Variants in DLG2 observed in about 807,000 individuals in gnomAD.
The protein encoded by DLG2 is disks large homolog 2.
Under a neutral mutation model 132.5 loss-of-function variants are expected in DLG2, and 45 were observed. That is an observed-to-expected ratio of 0.34 (90% confidence interval 0.27 to 0.44). DLG2 has a LOEUF of 0.44. Among genes scored for constraint, DLG2 ranks in the 20% least tolerant of loss-of-function variants. The pLI, the probability that DLG2 is intolerant of heterozygous loss-of-function variation, is 1.00. For missense variants in DLG2, 1,045 were observed against 1,196.9 expected (o/e 0.87, Z 1.87); for synonymous variants, 424 against 419.6 (o/e 1.01, Z -0.13).
At chr11:84,013,328 T>C (rs1304677094) in intron 11 of DLG2, among the ~76,000 whole-genome samples, 1 of 152,108 alleles carries the variant, frequency 6.6e-6, no homozygotes, top group African/African-American at 2.4e-5. Flanking sequence ...CATCTCCTAG[T>C]ACCTACTATG....
intron 19 of DLG2, among the ~76,000 whole-genome samples, chr11:83,629,078 A>G (rs2063125648): frequency 6.6e-6 from 1 of 152,184 alleles, no homozygotes; most frequent in Non-Finnish European, 1.5e-5. Flanking sequence ...GAGCTTCAAA[A>G]ATTACTTAGA....
At chr11:84,588,111 C>T (rs1316815898) in intron 6 of DLG2, among the ~76,000 whole-genome samples, 1 of 152,136 alleles carries the variant, frequency 6.6e-6, no homozygotes, top group Non-Finnish European at 1.5e-5. Flanking sequence ...GTTCTAGGCT[C>T]ACCAAATTTA....
chr11:85,324,947 T>C (rs536569697), intron 3 of DLG2, among the ~76,000 whole-genome samples: 32 of 147,734 alleles, frequency 2.2e-4, no homozygotes, highest in East Asian at 1.8e-3. Context: ...GGGCGAGGCA[T>C]TGCCTCACCT....
chr11:85,477,220 G>GA (rs967817146), intron 3 of DLG2, among the ~76,000 whole-genome samples: 5 of 152,062 alleles, frequency 3.3e-5, no homozygotes, highest in African/African-American at 9.6e-5. Context: ...ACACAAACAA[G>GA]AAAAAATGCA....
intron 6 of DLG2, among the ~76,000 whole-genome samples, chr11:84,889,503 G>T (rs2088946368): frequency 6.6e-6 from 1 of 152,080 alleles, no homozygotes; most frequent in Non-Finnish European, 1.5e-5. Flanking sequence ...CATTACTACA[G>T]AAAACAGACA....
At chr11:84,145,093 C>T (rs569688788) in intron 9 of DLG2, among the ~76,000 whole-genome samples, 1 of 152,252 alleles carries the variant, frequency 6.6e-6, no homozygotes, top group South Asian at 2.1e-4. Flanking sequence ...GCCACCCACA[C>T]CTTGTTTTTA....
chr11:85,112,112 T>C lies in DLG2; in HGVS notation c.283-377A>G, dbSNP rs57811920. Among the ~76,000 whole-genome samples, 1,495 of 152,188 alleles carry C rather than the reference T, an allele frequency of 9.8e-3. 21 individuals are homozygous for C. Among genetic ancestry groups the C allele is most frequent in the African/African-American group, 0.033 (1,359 of 41,550 alleles). ...CTGTAAGATCACATGAGTCAAGGTATAGAATGGCTGTTTATTTGTCTCTGT... is the reference window on the plus strand; with the variant it reads ...CTGTAAGATCACATGAGTCAAGGTACAGAATGGCTGTTTATTTGTCTCTGT... On this transcript the variant is annotated intron_variant, in intron 5 of 27. Coordinates refer to ENST00000376104, the MANE Select transcript of DLG2 (RefSeq NM_001142699.3).
intron 3 of DLG2, among the ~76,000 whole-genome samples, chr11:85,572,300 A>G (rs1467865283): frequency 6.6e-6 from 1 of 152,174 alleles, no homozygotes. Context: ...GAAAATTATA[A>G]TAACTATTGA....
chr11:83,511,549 C>T (rs966596156), intron 21 of DLG2, among the ~76,000 whole-genome samples: 1 of 151,790 alleles, frequency 6.6e-6, no homozygotes, highest in Admixed American at 6.6e-5. Context: ...AATGGAACCA[C>T]GCATGAAAGG....
At chr11:85,087,127 T>A (rs114098831) in intron 6 of DLG2, among the ~76,000 whole-genome samples, 85 of 152,328 alleles carry the variant, frequency 5.6e-4, no homozygotes, top group African/African-American at 2.0e-3. Context: ...GGCATTATGC[T>A]AGGTACTAGG....
chr11:83,627,494 C>G (rs2153448748), intron 19 of DLG2, among the ~76,000 whole-genome samples: 1 of 152,194 alleles, frequency 6.6e-6, no homozygotes, highest in African/African-American at 2.4e-5. Context: ...ACAGTTTGCT[C>G]AGAACGATGG....
chr11:84,399,868 C>T (rs1450380764), intron 7 of DLG2, among the ~76,000 whole-genome samples: 1 of 152,214 alleles, frequency 6.6e-6, no homozygotes, highest in Non-Finnish European at 1.5e-5. Flanking sequence ...AACCTTTGTT[C>T]AGCACGTCTG....
chr11:85,418,028 T>C (rs1019453323), intron 3 of DLG2, among the ~76,000 whole-genome samples: 6 of 152,180 alleles, frequency 3.9e-5, no homozygotes, highest in African/African-American at 1.4e-4. Context: ...AATTGAGATG[T>C]TAGGGTGTCG....
intron 6 of DLG2, among the ~76,000 whole-genome samples, chr11:84,888,085 CA>C (rs1293681647): frequency 4.4e-4 from 67 of 152,214 alleles, no homozygotes; most frequent in African/African-American, 1.3e-3. Context: ...CTCCATAGAA[CA>C]CTGCAAATTG....
intron 3 of DLG2, among the ~76,000 whole-genome samples, chr11:85,525,804 G>T (rs1017083940): frequency 1.3e-5 from 2 of 152,306 alleles, no homozygotes; most frequent in Middle Eastern, 3.4e-3. Context: ...TCTCTGAGAA[G>T]ATGAAGCTGG....
chr11:84,506,849 C>T (rs1250237992), intron 7 of DLG2, among the ~76,000 whole-genome samples: 1 of 152,158 alleles, frequency 6.6e-6, no homozygotes, highest in African/African-American at 2.4e-5. Flanking sequence ...GATGATAAGT[C>T]AGCAGACTAC....
At position 84,220,662 on chromosome 11, in the gene DLG2, T is replaced by C. The variant is rs114238323; in HGVS notation, c.573+30576A>G. On this transcript the variant is annotated intron_variant, in intron 8 of 27. Coordinates refer to ENST00000376104, the MANE Select transcript of DLG2 (RefSeq NM_001142699.3). ...TGAAAGAGAAATAAAAGCTCAATTA[T>C]GTATAAAAATTACAGCTACCAAATG... Among the ~76,000 whole-genome samples the C allele has an allele frequency of 3.0e-3, 451 of 152,218 alleles. 4 individuals are homozygous for C. The highest frequency in any genetic ancestry group is 0.01 in the African/African-American group (435 of 41,550).
chr11:83,888,231 T>C (rs1040906264), intron 15 of DLG2, among the ~76,000 whole-genome samples: 28 of 152,150 alleles, frequency 1.8e-4, no homozygotes, highest in African/African-American at 6.3e-4. Context: ...CTCCTTAAGC[T>C]GATAAGCAAC....
At chr11:84,004,282 C>T (rs761741291) in intron 11 of DLG2, among the ~76,000 whole-genome samples, 4 of 152,092 alleles carry the variant, frequency 2.6e-5, no homozygotes, top group Non-Finnish European at 5.9e-5. Context: ...AATGGTTTTA[C>T]ATATGCAAAT....
Sources: allele counts gnomAD v4.1 joint callset (sites outside exome capture counted in the v4.1 genomes callset), GRCh38; gene constraint gnomAD v4.1.1; transcripts MANE v1.5; gene names NCBI Gene and HGNC (gene_info 2026-07-23, HGNC 2026-07-21).